Variants in ANKRD10 observed in about 807,000 individuals in gnomAD.
ANKRD10 encodes the protein ankyrin repeat domain 10.
Under a neutral mutation model 27.0 loss-of-function variants are expected in ANKRD10, and 14 were observed. The observed-to-expected ratio is 0.52, with a 90% CI of 0.34 to 0.81. The LOEUF (loss-of-function observed/expected upper bound fraction) is 0.81. Ranked by LOEUF, ANKRD10 falls within the 40% of genes least tolerant of loss-of-function variation. The pLI is 0.01. For synonymous variants in ANKRD10, 250 were observed against 224.5 expected (o/e 1.11, Z -1.01); for missense variants, 493 against 544.0 (o/e 0.91, Z 0.93).
chr13:110,914,029 T>G (rs1373054299), intron 1 of ANKRD10, among the ~76,000 whole-genome samples: 2 of 152,206 alleles, frequency 1.3e-5, no homozygotes, highest in Non-Finnish European at 2.9e-5. Context: ...TCTGCAGTAA[T>G]TTAGATCCAA....
chr13:110,910,521 CT>C, intron 2 of ANKRD10, 96 bp downstream of exon 2: 2 of 1,464,182 alleles, frequency 1.4e-6, no homozygotes, highest in Non-Finnish European at 1.9e-6. Flanking sequence ...AGATATCAAA[CT>C]CTAATTAAGG....
At chr13:110,892,661 T>C (rs2065112152) in intron 4 of ANKRD10, 2 of 865,724 alleles carry the variant, frequency 2.3e-6, no homozygotes, top group African/African-American at 2.5e-5. Flanking sequence ...CCAGGAACAT[T>C]TACAAGAAGC....
intron 4 of ANKRD10, among the ~76,000 whole-genome samples, chr13:110,891,204 TGCATGAGG>T (rs540648449): frequency 3.3e-5 from 5 of 152,216 alleles, no homozygotes; most frequent in Admixed American, 1.3e-4. Context: ...GTACAATTCG[TGCATGAGG>T]GCATGAGGCC....
At chr13:110,894,225 T>G in intron 3 of ANKRD10, 1 of 1,546,286 alleles carries the variant, frequency 6.5e-7, no homozygotes, top group African/African-American at 1.4e-5. Context: ...AGACATCCTG[T>G]TAGCTGCAGG....
chr13:110,893,387 A>G (rs1220799101), intron 3 of ANKRD10, 124 bp from the exon 4 acceptor site: 39 of 848,722 alleles, frequency 4.6e-5, no homozygotes, highest in Non-Finnish European at 9.0e-6. Context: ...GCAAATCTTC[A>G]TTAAAGAAGT....
Position 110,914,971 on chromosome 13 carries a change from G to C in ANKRD10, c.-37C>G, listed in dbSNP as rs1386515412. ...GGAGAGCGCGGGGCTCGCTGGCCTA[G>C]AGGACGCGTCGGGGAGGACTCGAGA... On this transcript the variant is annotated 5_prime_UTR_variant, in exon 1 of 6. Transcript: ENST00000267339. 1 of 1,517,286 alleles carries C rather than the reference G, an allele frequency of 6.6e-7. No individual in the cohort carries two copies. Among genetic ancestry groups the C allele is most frequent in the Non-Finnish European group, 8.8e-7 (1 of 1,137,640 alleles). The allele number at this position is 1,517,286 out of a possible 1,614,324, so 94.0% of individuals were successfully genotyped here.
intron 2 of ANKRD10, 57 bp downstream of exon 2, chr13:110,910,561 T>C (rs2065666888): frequency 3.1e-6 from 5 of 1,601,540 alleles, no homozygotes; most frequent in Non-Finnish European, 3.4e-6. Context: ...CCGTGTATAA[T>C]TATAACTGCA....
intron 2 of ANKRD10, among the ~76,000 whole-genome samples, chr13:110,909,728 G>A (rs1371365362): frequency 2.6e-5 from 4 of 152,108 alleles, no homozygotes; most frequent in Non-Finnish European, 4.4e-5. Flanking sequence ...GTGGGTAGCT[G>A]GGTTTTTAGA....
chr13:110,913,770 A>G (rs1363658247), intron 1 of ANKRD10, among the ~76,000 whole-genome samples: 10 of 152,216 alleles, frequency 6.6e-5, no homozygotes, highest in Admixed American at 3.9e-4. Context: ...AAAACACTAT[A>G]CACATCCCTG....
intron 4 of ANKRD10, 152 bp from the exon 5 acceptor site, chr13:110,883,945 A>C: frequency 1.2e-6 from 1 of 834,268 alleles, no homozygotes; most frequent in Non-Finnish European, 1.7e-6. Flanking sequence ...TTAGCACACA[A>C]CTGAAAAACT....
At position 110,893,112 on chromosome 13, in the gene ANKRD10, G is replaced by T; in HGVS notation, c.607C>A (p.Pro203Thr). Residue 203 changes from proline (P) to threonine (T), a missense_variant, in exon 4 of 6, where the codon CCT becomes ACT. Physicochemically the swap from Pro to Thr is conservative, Grantham distance 38. Transcript: ENST00000267339. Reference protein sequence around the residue: ...ILNGGHQNVFPNHISVGTNRK... With the variant: ...ILNGGHQNVFTNHISVGTNRK... ...TTTGTTCCCACACTAATATGATTAG[G>T]AAATACATTCTGATGACCCCCATTT... 6.2e-7 allele frequency: 1 copy of T among 1,614,166 alleles called. No homozygotes were observed. The highest frequency in any genetic ancestry group is 8.5e-7 in the Non-Finnish European group (1 of 1,180,028).
At chr13:110,913,189 G>A (rs2065770272) in intron 1 of ANKRD10, among the ~76,000 whole-genome samples, 1 of 152,190 alleles carries the variant, frequency 6.6e-6, no homozygotes, top group Non-Finnish European at 1.5e-5. Context: ...ACAGATCGTT[G>A]TTCACTGACT....
intron 2 of ANKRD10, among the ~76,000 whole-genome samples, chr13:110,908,930 A>G (rs1388042823): frequency 6.6e-6 from 1 of 152,178 alleles, no homozygotes; most frequent in Middle Eastern, 3.2e-3. Flanking sequence ...AAATACAGGG[A>G]GGGCTGAAAA....
chr13:110,890,667 G>T (rs1280767127), intron 4 of ANKRD10, among the ~76,000 whole-genome samples: 1 of 152,182 alleles, frequency 6.6e-6, no homozygotes, highest in African/African-American at 2.4e-5. Context: ...CTGTGTACCT[G>T]CAACAGTGGC....
At position 110,910,605 on chromosome 13, in the gene ANKRD10, C is replaced by T. The variant is rs766964358; in HGVS notation, c.363+13G>A. On this transcript the variant is annotated intron_variant, in intron 2 of 5. Coordinates refer to ENST00000267339, the MANE Select transcript of ANKRD10 (RefSeq NM_017664.4). ...AAGCAAAAGCAAACCAAGTCCATCACCAGCACTCTTACCGGTTTGTTAATG... is the reference window on the plus strand; with the variant it reads ...AAGCAAAAGCAAACCAAGTCCATCATCAGCACTCTTACCGGTTTGTTAATG... 6.2e-7 allele frequency: 1 copy of T among 1,613,118 alleles called. No individual in the cohort carries two copies. Among genetic ancestry groups the T allele is most frequent in the South Asian group, 1.1e-5 (1 of 90,894 alleles).
At chr13:110,880,201 A>G (rs544062528) in intron 5 of ANKRD10, 89 bp from the exon 6 acceptor site, 6 of 1,136,286 alleles carry the variant, frequency 5.3e-6, no homozygotes, top group Non-Finnish European at 6.1e-6. Context: ...ACAATTTTAA[A>G]GAATTTTAGT....
chr13:110,879,662 GT>G lies in ANKRD10; in HGVS notation c.1237del (p.Thr413ProfsTer31). On this transcript the variant is annotated frameshift_variant, in exon 6 of 6. Transcript: ENST00000267339. LOFTEE classifies it high-confidence loss of function. ...QERYDSAVLG[T>X]MHLHHGS ...CTAGGAGCCGTGGTGCAGGTGCATG[GT>G]GCCCAGCACGGCACTGTCGTACCGC... 2 of 1,613,264 alleles carry G rather than the reference GT, an allele frequency of 1.2e-6. No homozygotes were observed. The highest frequency in any genetic ancestry group is 2.7e-5 in the African/African-American group (2 of 75,054).
chr13:110,891,304 G>A (rs1381127655), intron 4 of ANKRD10, among the ~76,000 whole-genome samples: 1 of 152,112 alleles, frequency 6.6e-6, no homozygotes, highest in Non-Finnish European at 1.5e-5. Context: ...AAAAGGCGTT[G>A]AAACTACATT....
At chr13:110,894,424 A>AAAAC (rs1566466269) in intron 3 of ANKRD10, 5 of 305,352 alleles carry the variant, frequency 1.6e-5, no homozygotes, top group South Asian at 8.9e-5. Flanking sequence ...AAAAAAAAAA[A>AAAAC]AAACCCCGCA....
Sources: allele counts gnomAD v4.1 joint callset (sites outside exome capture counted in the v4.1 genomes callset), GRCh38; gene constraint gnomAD v4.1.1; transcripts MANE v1.5; gene names NCBI Gene and HGNC (gene_info 2026-07-23, HGNC 2026-07-21).